Variants in TMEM232 observed in about 807,000 individuals in gnomAD.
The protein encoded by TMEM232 is transmembrane protein 232.
Under a neutral mutation model 78.8 loss-of-function variants are expected in TMEM232, and 80 were observed. That is an observed-to-expected ratio of 1.01 (90% CI 0.85 to 1.22). TMEM232 has a LOEUF of 1.22. Among genes scored for constraint, TMEM232 ranks in the 50% most tolerant of loss-of-function variants. TMEM232 has a pLI of 0.00. For missense variants in TMEM232, 881 were observed against 742.2 expected, an observed-to-expected ratio of 1.19 and a Z score of -2.17; for synonymous variants, 297 against 254.3, an observed-to-expected ratio of 1.17 and a Z score of -1.60.
intron 1 of TMEM232, among the ~76,000 whole-genome samples, chr5:110,724,601 C>T (rs183303470): frequency 2.0e-5 from 3 of 152,200 alleles, no homozygotes; most frequent in East Asian, 1.9e-4. Context: ...TCCTAGATCA[C>T]GGCCACTGCC....
chr5:110,703,886 C>T (rs767028896), intron 1 of TMEM232, among the ~76,000 whole-genome samples: 3 of 152,064 alleles, frequency 2.0e-5, no homozygotes, highest in Admixed American at 6.6e-5. Flanking sequence ...TAAAGCTTTT[C>T]AAATTACTCG....
intron 12 of TMEM232, among the ~76,000 whole-genome samples, chr5:110,470,694 C>T (rs1388284153): frequency 1.3e-5 from 2 of 152,186 alleles, no homozygotes; most frequent in Non-Finnish European, 2.9e-5. Context: ...AGAGTCAGCA[C>T]ACCCTTCCTA....
At chr5:110,487,323 C>T (rs1764570421) in intron 12 of TMEM232, among the ~76,000 whole-genome samples, 1 of 152,056 alleles carries the variant, frequency 6.6e-6, no homozygotes, top group East Asian at 1.9e-4. Context: ...TCTGATTGCT[C>T]TGGCTAGGAC....
chr5:110,416,764 T>C (rs554186257), downstream of TMEM232, among the ~76,000 whole-genome samples: 2 of 152,322 alleles, frequency 1.3e-5, no homozygotes, highest in Non-Finnish European at 2.9e-5. Context: ...TCTAAAACTG[T>C]TGGTGTGAGT....
chr5:110,475,746 C>G (rs1368466089), intron 12 of TMEM232, among the ~76,000 whole-genome samples: 2 of 151,750 alleles, frequency 1.3e-5, no homozygotes, highest in African/African-American at 4.8e-5. Flanking sequence ...ATCCAGAGTT[C>G]CCCACTCAGC....
intron 10 of TMEM232, among the ~76,000 whole-genome samples, chr5:110,586,882 A>G (rs1364126710): frequency 6.6e-6 from 1 of 152,174 alleles, no homozygotes; most frequent in Non-Finnish European, 1.5e-5. Context: ...TCTAGAATCA[A>G]GTGTAATCTT....
chr5:110,721,667 G>GTATATATATATATATATATATATATATA (rs1277641654), intron 1 of TMEM232, among the ~76,000 whole-genome samples: 125 of 10,398 alleles, frequency 0.012, 4 homozygotes, highest in African/African-American at 0.02. Context: ...GTGTGTGTGT[G>GTATATATATATATATATATATATATATA]TGTGTGTATA....
At chr5:110,479,382 T>C (rs540186012) in intron 12 of TMEM232, among the ~76,000 whole-genome samples, 35 of 151,930 alleles carry the variant, frequency 2.3e-4, no homozygotes, top group African/African-American at 7.7e-4. Flanking sequence ...TGCATTCTAT[T>C]AAACAACAAC....
chr5:110,396,255 C>A (rs1339936752), intron 3 of TMEM232, among the ~76,000 whole-genome samples: 1 of 152,054 alleles, frequency 6.6e-6, no homozygotes, highest in Non-Finnish European at 1.5e-5. Context: ...GGCAAACCAC[C>A]CTAATCACCC....
At chr5:110,427,775 C>A (rs571874840) in intron 12 of TMEM232, among the ~76,000 whole-genome samples, 1 of 151,850 alleles carries the variant, frequency 6.6e-6, no homozygotes, top group Non-Finnish European at 1.5e-5. Context: ...TCTGTCTCCA[C>A]GTGGCTTTTT....
At chr5:110,411,033 G>A (rs1396694042) in intron 2 of TMEM232, among the ~76,000 whole-genome samples, 3 of 152,160 alleles carry the variant, frequency 2.0e-5, no homozygotes, top group Admixed American at 6.5e-5. Context: ...GATAGGGGAT[G>A]AGAAGTATCC....
intron 11 of TMEM232, among the ~76,000 whole-genome samples, chr5:110,554,841 T>A (rs1774887097): frequency 6.6e-6 from 1 of 152,172 alleles, no homozygotes; most frequent in Non-Finnish European, 1.5e-5. Flanking sequence ...TCATAACTTA[T>A]TATTGGTCTC....
intron 12 of TMEM232, among the ~76,000 whole-genome samples, chr5:110,505,731 A>C (rs556799804): frequency 1.3e-3 from 196 of 152,222 alleles, no homozygotes; most frequent in Non-Finnish European, 1.1e-3. Context: ...GCTGGTCTGG[A>C]ACTCCTGTCC....
chr5:110,450,295 T>C (rs1048303154), intron 12 of TMEM232, among the ~76,000 whole-genome samples: 6 of 152,164 alleles, frequency 3.9e-5, no homozygotes, highest in African/African-American at 1.4e-4. Context: ...TTTTAGCTCT[T>C]CTCCGTCTCT....
intron 12 of TMEM232, among the ~76,000 whole-genome samples, chr5:110,514,808 C>G (rs1266764931): frequency 6.6e-6 from 1 of 152,116 alleles, no homozygotes; most frequent in Non-Finnish European, 1.5e-5. Flanking sequence ...TATTTAAACT[C>G]TCTCTATATG....
intron 11 of TMEM232, among the ~76,000 whole-genome samples, chr5:110,536,742 T>C (rs1330802745): frequency 2.0e-5 from 3 of 152,102 alleles, no homozygotes; most frequent in Non-Finnish European, 2.9e-5. Context: ...AAAAGAGGGA[T>C]GGGATGTTTA....
chr5:110,710,260 C>G (rs1796333873), intron 1 of TMEM232, among the ~76,000 whole-genome samples: 1 of 151,904 alleles, frequency 6.6e-6, no homozygotes, highest in African/African-American at 2.4e-5. Flanking sequence ...ATATCAAATC[C>G]ATAATAAAAT....
chr5:110,505,396 G>A (rs1353818482), intron 12 of TMEM232, among the ~76,000 whole-genome samples: 1 of 152,146 alleles, frequency 6.6e-6, no homozygotes, highest in African/African-American at 2.4e-5. Flanking sequence ...GGGGAGCAGA[G>A]GAGAAAAAGC....
At chr5:110,624,156 T>G (rs1198194973) in intron 7 of TMEM232, among the ~76,000 whole-genome samples, 1 of 152,170 alleles carries the variant, frequency 6.6e-6, no homozygotes, top group African/African-American at 2.4e-5. Context: ...AACATTCCAA[T>G]CACAACAGTA....
Sources: allele counts gnomAD v4.1 joint callset (sites outside exome capture counted in the v4.1 genomes callset), GRCh38; gene constraint gnomAD v4.1.1; transcripts MANE v1.5; gene names NCBI Gene and HGNC (gene_info 2026-07-23, HGNC 2026-07-21).